The following SYNE2 variants were observed in gnomAD, a reference collection of about 807,000 sequenced individuals.
SYNE2 encodes the protein nesprin-2.
In SYNE2, 431 loss-of-function variants were observed where a neutral mutation model predicts 856.3. The observed-to-expected ratio is 0.50, with a 90% CI of 0.47 to 0.55. SYNE2 has a LOEUF of 0.55. Among genes scored for constraint, SYNE2 ranks in the 20% least tolerant of loss-of-function variants. The pLI, the probability that SYNE2 is intolerant of heterozygous loss-of-function variation, is 0.00. For missense variants in SYNE2, 8,129 were observed against 8,023.2 expected (o/e 1.01, Z -0.50); for synonymous variants, 2,923 against 2,872.3 (o/e 1.02, Z -0.56).
chr14:63,994,108 G>A (rs1191430564), intron 22 of SYNE2, 139 bp downstream of exon 22: 2 of 839,576 alleles, frequency 2.4e-6, no homozygotes, highest in Non-Finnish European at 3.8e-6. Context: ...AAGTCCCAGG[G>A]TTCATACAGA....
chr14:64,200,751 C>T (rs2098558259), intron 99 of SYNE2, among the ~76,000 whole-genome samples: 1 of 151,626 alleles, frequency 6.6e-6, no homozygotes, highest in African/African-American at 2.4e-5. Flanking sequence ...ATCTCCGAGG[C>T]ATTCTGCCTT....
At chr14:63,781,507 C>T (rs1362595485) in intron 1 of SYNE2, among the ~76,000 whole-genome samples, 1 of 149,220 alleles carries the variant, frequency 6.7e-6, no homozygotes, top group Non-Finnish European at 1.5e-5. Context: ...TTCTTGGAGA[C>T]GGAGTCTCGC....
intron 63 of SYNE2, chr14:64,099,629 GACTTCAGT>G (rs749419161): frequency 9.2e-5 from 14 of 152,182 alleles, no homozygotes; most frequent in Admixed American, 3.9e-4. Context: ...CAAAAAGAGT[GACTTCAGT>G]ACGATGTTAA....
intron 1 of SYNE2, among the ~76,000 whole-genome samples, chr14:63,868,364 G>T (rs1252887033): frequency 2.0e-5 from 3 of 151,710 alleles, no homozygotes; most frequent in African/African-American, 7.3e-5. Flanking sequence ...AGTCCCAGCT[G>T]CTAAGGAAGC....
intron 100 of SYNE2, chr14:64,207,878 G>A (rs915891770): frequency 2.6e-6 from 1 of 391,954 alleles, no homozygotes; most frequent in African/African-American, 2.1e-5. Flanking sequence ...CATGTCACTT[G>A]TCACACAATT....
In SYNE2 at chr14:64,076,116, G is replaced by A. The variant is rs1257856884; in HGVS notation, c.11022+16G>A. On this transcript the variant is annotated intron_variant, in intron 54 of 115. Transcript: ENST00000555002. The stretch of plus-strand genomic sequence containing the variant: ...AGATGAGAAGGTAATAATAATGTCT[G>A]TACTACTGTTATTATTTACGGAGCT... The A allele has an allele frequency of 1.9e-6, 3 of 1,611,194 alleles. No homozygotes were observed. Among genetic ancestry groups the A allele is most frequent in the Non-Finnish European group, 1.7e-6 (2 of 1,178,236 alleles).
intron 54 of SYNE2, among the ~76,000 whole-genome samples, chr14:64,077,702 G>T (rs2097478099): frequency 6.6e-6 from 1 of 151,446 alleles, no homozygotes; most frequent in African/African-American, 2.4e-5. Context: ...TGGTTATTTA[G>T]TAGCTGCTTG....
At chr14:63,787,707 T>C (rs1887589169) in intron 1 of SYNE2, among the ~76,000 whole-genome samples, 1 of 152,120 alleles carries the variant, frequency 6.6e-6, no homozygotes, top group South Asian at 2.1e-4. Context: ...TCTGGCTGAG[T>C]TGGGGGCTTT....
chr14:63,974,835 CGTGTGTGTGTGTGTACATGTGTGT>C (rs2096520990), intron 11 of SYNE2, among the ~76,000 whole-genome samples: 1 of 113,100 alleles, frequency 8.8e-6, no homozygotes, highest in Non-Finnish European at 1.9e-5. Context: ...TGTATATAGA[CGTGTGTGTGTGTGTACATGTGTGT>C]GTGTGTGTGT....
chr14:64,025,380 G>T lies in SYNE2; in HGVS notation c.6211G>T (p.Glu2071Ter). 6.2e-7 allele frequency: 1 copy of T among 1,613,598 alleles called. No individual in the cohort carries two copies. Among genetic ancestry groups the T allele is most frequent in the Non-Finnish European group, 8.5e-7 (1 of 1,179,928 alleles). ...KESLMVLNSSEGKMPLEERIQ... is the reference protein window; with the variant it reads ...KESLMVLNSS ...GTCCCTTATGGTTTTGAATTCATCC[G>T]AAGGCAAAATGCCACTTGAGGAAAG... The change falls in exon 41 of 116, where the codon GAA (glutamate) becomes TAA (stop). Residue 2071 changes from glutamate (E) to a stop codon, truncating the protein, a stop_gained. Coordinates refer to ENST00000555002, the MANE Select transcript of SYNE2 (RefSeq NM_182914.3). LOFTEE classifies it high-confidence loss of function.
At position 64,189,981 on chromosome 14, in the gene SYNE2, T is replaced by A. The variant is rs539070305; in HGVS notation, c.17872-90T>A. 1.2e-5 allele frequency: 17 copies of A among 1,427,274 alleles called. No homozygotes were observed. The highest frequency in any genetic ancestry group is 3.9e-5 in the South Asian group (3 of 77,608). 88.4% of individuals were successfully genotyped at this position (1,427,274 alleles called of 1,614,324 possible). ...CCTGGCCAATTTTTTTTTTTTTTTTTAATTTCAAGAGGTAACTCTATGTCT... is the reference window on the plus strand; with the variant it reads ...CCTGGCCAATTTTTTTTTTTTTTTTAAATTTCAAGAGGTAACTCTATGTCT... On this transcript the variant is annotated intron_variant, in intron 98 of 115. Coordinates refer to ENST00000555002, the MANE Select transcript of SYNE2 (RefSeq NM_182914.3).
chr14:64,215,462 T>A (rs2098661833), intron 107 of SYNE2, 108 bp downstream of exon 107: 1 of 1,077,490 alleles, frequency 9.3e-7, no homozygotes, highest in African/African-American at 1.5e-5. Flanking sequence ...GTGGACACCA[T>A]GCGCCTTGGT....
At chr14:64,137,658 C>A in intron 78 of SYNE2, 129 bp from the exon 79 acceptor site, 1 of 959,434 alleles carries the variant, frequency 1.0e-6, no homozygotes, top group Non-Finnish European at 1.6e-6. Context: ...ACTATATAGT[C>A]TTGAATGTTG....
chr14:64,111,104 G>C (rs752119147), intron 65 of SYNE2, among the ~76,000 whole-genome samples: 16 of 151,828 alleles, frequency 1.1e-4, no homozygotes, highest in Non-Finnish European at 1.6e-4. Flanking sequence ...GGTGGCTCAT[G>C]CCTGTAATCC....
Position 64,016,596 on chromosome 14 carries a change from A to C in SYNE2, c.4852A>C (p.Lys1618Gln). The C allele has an allele frequency of 6.2e-7, 1 of 1,601,730 alleles. No individual in the cohort carries two copies. The highest frequency in any genetic ancestry group is 1.1e-5 in the South Asian group (1 of 88,678). The change falls in exon 33 of 116, where the codon AAA (lysine) becomes CAA (glutamine). Residue 1618 changes from lysine (K) to glutamine (Q), a missense_variant. Transcript: ENST00000555002. The part of the protein sequence containing the change: ...MKTFEEPPFE[K>Q]EANIIVDRWL... ...AACTTTTGAAGAGCCCCCTTTTGAA[A>C]AAGAGGCTAATATTATTGTGGATAG...
chr14:64,074,218 A>C, intron 53 of SYNE2, 82 bp downstream of exon 53: 83 of 1,430,764 alleles, frequency 5.8e-5, no homozygotes, highest in African/African-American at 9.8e-5. Flanking sequence ...GAGATAACTC[A>C]GTGGCTGGGT....
intron 30 of SYNE2, among the ~76,000 whole-genome samples, chr14:64,006,224 A>G (rs1425735830): frequency 1.3e-5 from 2 of 152,180 alleles, no homozygotes; most frequent in African/African-American, 4.8e-5. Context: ...GTATTACTTT[A>G]TCCTTAAATA....
chr14:63,769,732 A>T (rs1464590923), intron 1 of SYNE2, among the ~76,000 whole-genome samples: 1 of 150,042 alleles, frequency 6.7e-6, no homozygotes, highest in Non-Finnish European at 1.5e-5. Context: ...AAAAAAAAAA[A>T]AGAAAGAAAA....
At chr14:64,106,535 G>A (rs968394097) in intron 64 of SYNE2, among the ~76,000 whole-genome samples, 1 of 152,158 alleles carries the variant, frequency 6.6e-6, no homozygotes, top group African/African-American at 2.4e-5. Flanking sequence ...TGTAGTCCCA[G>A]CTACTCGGGA....
Sources: allele counts gnomAD v4.1 joint callset (sites outside exome capture counted in the v4.1 genomes callset), GRCh38; gene constraint gnomAD v4.1.1; transcripts MANE v1.5; gene names NCBI Gene and HGNC (gene_info 2026-07-23, HGNC 2026-07-21).